ENOX1: variants seen among roughly 807,000 people sequenced by gnomAD.
ENOX1 encodes the protein candidate growth-related and time keeping constitutive hydroquinone (NADH) oxidase.
Under a neutral mutation model 82.5 loss-of-function variants are expected in ENOX1, and 42 were observed. That is an observed-to-expected ratio of 0.51 (90% CI 0.40 to 0.66). ENOX1 has a LOEUF of 0.66. Ranked by LOEUF, ENOX1 falls within the 30% of genes least tolerant of loss-of-function variation. The pLI, the probability that ENOX1 is intolerant of heterozygous loss-of-function variation, is 0.00. For synonymous variants in ENOX1, 271 were observed against 282.2 expected (o/e 0.96, Z 0.40); for missense variants, 608 against 811.6 (o/e 0.75, Z 3.05).
rs559950115 is a variant in ENOX1, at chr13:43,447,092, CT to C, written c.-74-34105del. Among the ~76,000 whole-genome samples, 67 of 152,244 alleles carry C rather than the reference CT, an allele frequency of 4.4e-4. 1 individual carries two copies. The highest frequency in any genetic ancestry group is 1.5e-3 in the African/African-American group (61 of 41,540). On this transcript the variant is annotated intron_variant, in intron 3 of 16. Coordinates refer to ENST00000690772, the MANE Select transcript of ENOX1 (RefSeq NM_001347969.2). The stretch of plus-strand genomic sequence containing the variant: ...ATTTCTTGAACACCTAGAGTAATGC[CT>C]GGTACAAAATAGGAGCTCAAAAAAT...
intron 2 of ENOX1, among the ~76,000 whole-genome samples, chr13:43,552,704 GAGGTCC>G (rs1239178948): frequency 1.3e-5 from 2 of 152,150 alleles, no homozygotes; most frequent in Admixed American, 6.5e-5. Context: ...GTCATTAACT[GAGGTCC>G]AGGACTGACT....
At chr13:43,745,630 C>T (rs577961219) in intron 1 of ENOX1, among the ~76,000 whole-genome samples, 1 of 152,282 alleles carries the variant, frequency 6.6e-6, no homozygotes, top group East Asian at 1.9e-4. Context: ...TAAATGAATT[C>T]TGGCATATAC....
chr13:43,764,701 C>T (rs1951172592), intron 1 of ENOX1, among the ~76,000 whole-genome samples: 1 of 152,118 alleles, frequency 6.6e-6, no homozygotes, highest in Admixed American at 6.5e-5. Context: ...CGCCTGCTTT[C>T]AAGCAATAAT....
chr13:43,564,319 A>G (rs1048141180), intron 2 of ENOX1, among the ~76,000 whole-genome samples: 4 of 152,120 alleles, frequency 2.6e-5, no homozygotes, highest in Non-Finnish European at 4.4e-5. Context: ...TGCCAATTAC[A>G]TTCTTCACAG....
At chr13:43,357,382 A>G (rs2050222717) in intron 7 of ENOX1, among the ~76,000 whole-genome samples, 1 of 152,176 alleles carries the variant, frequency 6.6e-6, no homozygotes, top group Non-Finnish European at 1.5e-5. Context: ...AAAGTTACAA[A>G]TAAGATATTG....
chr13:43,305,789 A>G (rs1027379117), intron 11 of ENOX1, among the ~76,000 whole-genome samples: 7 of 152,250 alleles, frequency 4.6e-5, no homozygotes, highest in Non-Finnish European at 1.0e-4. Flanking sequence ...TTCTTGCAAA[A>G]GCAGGATAAG....
chr13:43,562,750 G>C (rs2079739503), intron 2 of ENOX1, among the ~76,000 whole-genome samples: 1 of 152,102 alleles, frequency 6.6e-6, no homozygotes, highest in South Asian at 2.1e-4. Flanking sequence ...TGGCTATGCT[G>C]GTACCAGACA....
intron 1 of ENOX1, among the ~76,000 whole-genome samples, chr13:43,685,647 G>A (rs1195116668): frequency 6.6e-6 from 1 of 151,882 alleles, no homozygotes; most frequent in Non-Finnish European, 1.5e-5. Flanking sequence ...CCGGTGGTAG[G>A]ATAAAAGCTA....
chr13:43,690,497 A>C (rs1481103291), intron 1 of ENOX1, among the ~76,000 whole-genome samples: 1 of 152,154 alleles, frequency 6.6e-6, no homozygotes. Flanking sequence ...TCAGTAGCAC[A>C]AATCATATGC....
intron 2 of ENOX1, among the ~76,000 whole-genome samples, chr13:43,577,183 G>A (rs2080471878): frequency 6.6e-6 from 1 of 151,818 alleles, no homozygotes; most frequent in African/African-American, 2.4e-5. Flanking sequence ...CCAGGCTGGA[G>A]TGCAATGGTG....
chr13:43,450,854 C>T (rs577392018), intron 3 of ENOX1, among the ~76,000 whole-genome samples: 1 of 152,158 alleles, frequency 6.6e-6, no homozygotes, highest in South Asian at 2.1e-4. Flanking sequence ...GTCCACAAGG[C>T]CCCAAGATGT....
chr13:43,269,396 G>T, intron 13 of ENOX1, 74 bp downstream of exon 13: 2 of 1,130,644 alleles, frequency 1.8e-6, no homozygotes, highest in Non-Finnish European at 2.7e-6. Context: ...ATGTTTGCAC[G>T]GGTGACGCAC....
chr13:43,561,760 C>T lies in ENOX1; in HGVS notation c.-218-77608G>A, dbSNP rs960174532. ...ATTCCAACACTTTGAGAGGCTGAGG[C>T]GTGTGAGCCCAGGAGTTCAAGACCA... On this transcript the variant is annotated intron_variant, in intron 2 of 16. Coordinates refer to ENST00000690772, the MANE Select transcript of ENOX1 (RefSeq NM_001347969.2). Among the ~76,000 whole-genome samples, 3 of 151,960 alleles carry T rather than the reference C, an allele frequency of 2.0e-5. No individual in the cohort carries two copies. In the South Asian group the frequency reaches 6.2e-4, roughly 32 times the overall value.
rs537180283 is a variant in ENOX1, at chr13:43,739,683, A to G, written c.-285+46969T>C. On this transcript the variant is annotated intron_variant, in intron 1 of 16. Coordinates refer to ENST00000690772, the MANE Select transcript of ENOX1 (RefSeq NM_001347969.2). ...AAAAGAGCTGTTGTGATGAGGTTGT[A>G]TTTTATTAATAAATAAGATGGTTAA... Among the ~76,000 whole-genome samples, 5 of 152,164 alleles carry G rather than the reference A, an allele frequency of 3.3e-5. No individual in the cohort carries two copies. The South Asian group carries it at 1.0e-3, about 32-fold the overall frequency.
intron 12 of ENOX1, among the ~76,000 whole-genome samples, chr13:43,295,964 G>A (rs2046263435): frequency 6.6e-6 from 1 of 152,048 alleles, no homozygotes; most frequent in South Asian, 2.1e-4. Context: ...GGTTAAAGAG[G>A]CACACCTCTC....
At chr13:43,429,189 A>C (rs1295031904) in intron 3 of ENOX1, among the ~76,000 whole-genome samples, 3 of 152,166 alleles carry the variant, frequency 2.0e-5, no homozygotes, top group African/African-American at 7.2e-5. Flanking sequence ...TCATCTCACG[A>C]GTCATTGGAG....
chr13:43,503,769 A>G (rs1458136714), intron 2 of ENOX1, among the ~76,000 whole-genome samples: 1 of 151,740 alleles, frequency 6.6e-6, no homozygotes, highest in Non-Finnish European at 1.5e-5. Context: ...GAAAAGCTCC[A>G]TAATGTTGAC....
intron 5 of ENOX1, among the ~76,000 whole-genome samples, chr13:43,364,523 G>A (rs761969037): frequency 6.6e-6 from 1 of 152,044 alleles, no homozygotes; most frequent in Non-Finnish European, 1.5e-5. Context: ...CTTTTTGGTT[G>A]TCTGTTCCCA....
intron 2 of ENOX1, among the ~76,000 whole-genome samples, chr13:43,603,667 T>G (rs2081844618): frequency 7.2e-6 from 1 of 138,770 alleles, no homozygotes; most frequent in Non-Finnish European, 1.5e-5. Flanking sequence ...AATAGTTTAC[T>G]GAGAATGATG....
Sources: allele counts gnomAD v4.1 joint callset (sites outside exome capture counted in the v4.1 genomes callset), GRCh38; gene constraint gnomAD v4.1.1; transcripts MANE v1.5; gene names NCBI Gene and HGNC (gene_info 2026-07-23, HGNC 2026-07-21).